FSIP1: variants seen among roughly 807,000 people sequenced by gnomAD.
FSIP1 encodes the protein fibrous sheath interacting protein 1, also known as fibrous sheath-interacting protein 1.
In FSIP1, 65 loss-of-function variants were observed where a neutral mutation model predicts 60.9. That is an observed-to-expected ratio of 1.07 (90% CI 0.87 to 1.31). The LOEUF is 1.31. FSIP1 is among the 40% of genes most tolerant of loss of function. The pLI is 0.00. For synonymous variants in FSIP1, 209 were observed against 221.2 expected (o/e 0.94, Z 0.49); for missense variants, 675 against 665.5 (o/e 1.01, Z -0.16).
intron 11 of FSIP1, among the ~76,000 whole-genome samples, chr15:39,616,353 G>C (rs150766761): frequency 6.6e-6 from 1 of 152,294 alleles, no homozygotes; most frequent in African/African-American, 2.4e-5. Flanking sequence ...GCAAGATAGA[G>C]TCTCTGTTTT....
intron 11 of FSIP1, among the ~76,000 whole-genome samples, chr15:39,605,050 C>A (rs1021040334): frequency 6.6e-6 from 1 of 152,144 alleles, no homozygotes; most frequent in African/African-American, 2.4e-5. Context: ...GTCAATCTGC[C>A]GGCAACCAGG....
intron 1 of FSIP1, among the ~76,000 whole-genome samples, chr15:39,780,790 G>A (rs1422894696): frequency 6.6e-6 from 1 of 152,174 alleles, no homozygotes; most frequent in East Asian, 1.9e-4. Flanking sequence ...GTTTCACTAT[G>A]TTGGCCAGGC....
At chr15:39,767,165 G>A (rs367807692) in intron 3 of FSIP1, among the ~76,000 whole-genome samples, 1 of 151,854 alleles carries the variant, frequency 6.6e-6, no homozygotes, top group Non-Finnish European at 1.5e-5. Context: ...TTTCCTCTTA[G>A]AGGAAAAAAA....
chr15:39,722,019 G>A (rs996807843), intron 9 of FSIP1, among the ~76,000 whole-genome samples: 2 of 152,058 alleles, frequency 1.3e-5, no homozygotes, highest in South Asian at 2.1e-4. Context: ...GTTAGGAACC[G>A]GGCCCCAGAG....
chr15:39,605,556 C>A (rs1055672171), intron 11 of FSIP1, among the ~76,000 whole-genome samples: 1 of 152,196 alleles, frequency 6.6e-6, no homozygotes, highest in African/African-American at 2.4e-5. Flanking sequence ...AGGAGACTTA[C>A]AACATGGAAT....
intron 11 of FSIP1, among the ~76,000 whole-genome samples, chr15:39,602,616 G>C (rs1334510115): frequency 6.6e-6 from 1 of 152,194 alleles, no homozygotes; most frequent in Non-Finnish European, 1.5e-5. Flanking sequence ...AGGATGTAGA[G>C]GCAGGTGGGA....
chr15:39,740,529 G>A (rs183693359), intron 6 of FSIP1, among the ~76,000 whole-genome samples: 32 of 152,206 alleles, frequency 2.1e-4, no homozygotes, highest in Non-Finnish European at 8.8e-5. Flanking sequence ...TATGCACGAA[G>A]AAGGAATGTC....
intron 10 of FSIP1, among the ~76,000 whole-genome samples, chr15:39,643,023 G>T (rs1892441249): frequency 6.6e-6 from 1 of 152,290 alleles, no homozygotes; most frequent in East Asian, 1.9e-4. Context: ...CCATACATTT[G>T]AATCAATAAA....
chr15:39,717,915 T>C lies in FSIP1; in HGVS notation c.1051-4334A>G, dbSNP rs1895803064. Among the ~76,000 whole-genome samples, 6 of 152,228 alleles carry C rather than the reference T, an allele frequency of 3.9e-5. No homozygotes were observed. The South Asian group carries it at 1.2e-3, about 32-fold the overall frequency. The stretch of plus-strand genomic sequence containing the variant: ...TCTCAGATTGCCAAGGAAACAGAGT[T>C]AGGAAACTAATTACCGCTCAAGCGC... On this transcript the variant is annotated intron_variant, in intron 9 of 11. Coordinates refer to ENST00000350221, the MANE Select transcript of FSIP1 (RefSeq NM_152597.5).
chr15:39,684,339 C>T (rs937959), intron 10 of FSIP1, among the ~76,000 whole-genome samples: 29 of 152,148 alleles, frequency 1.9e-4, no homozygotes, highest in African/African-American at 7.0e-4. Flanking sequence ...GAGGCACATG[C>T]GGAACATTAT....
intron 8 of FSIP1, among the ~76,000 whole-genome samples, chr15:39,736,613 C>T (rs148343159): frequency 3.9e-4 from 59 of 152,308 alleles, no homozygotes; most frequent in African/African-American, 1.3e-3. Context: ...ACACCCTCCT[C>T]CCCCGTGGGC....
chr15:39,704,916 C>A (rs934811197), intron 10 of FSIP1, among the ~76,000 whole-genome samples: 1 of 152,144 alleles, frequency 6.6e-6, no homozygotes, highest in African/African-American at 2.4e-5. Context: ...CATTTTGATG[C>A]AATAATGACA....
chr15:39,720,290 G>GGA (rs1258141307), intron 9 of FSIP1, among the ~76,000 whole-genome samples: 3 of 152,100 alleles, frequency 2.0e-5, no homozygotes, highest in African/African-American at 7.2e-5. Flanking sequence ...TGGCAAGAAA[G>GGA]GAGATCAATA....
chr15:39,647,061 AC>A (rs1892646758), intron 10 of FSIP1, among the ~76,000 whole-genome samples: 2 of 141,514 alleles, frequency 1.4e-5, no homozygotes, highest in South Asian at 2.2e-4. Context: ...AGTGGTTGTT[AC>A]CAGGGGTGAT....
At chr15:39,683,059 G>A (rs1029537509) in intron 10 of FSIP1, among the ~76,000 whole-genome samples, 1 of 152,108 alleles carries the variant, frequency 6.6e-6, no homozygotes, top group Non-Finnish European at 1.5e-5. Context: ...GGCAGTAAAG[G>A]CATGTTGGTA....
rs145863189 is a variant in FSIP1, at chr15:39,713,235, C to T, written c.1188+209G>A. Among the ~76,000 whole-genome samples the T allele has an allele frequency of 4.7e-3, 708 of 152,190 alleles. 2 individuals are homozygous for T. Among genetic ancestry groups the T allele is most frequent in the Non-Finnish European group, 7.4e-3 (500 of 68,008 alleles). On this transcript the variant is annotated intron_variant, in intron 10 of 11. Coordinates refer to ENST00000350221, the MANE Select transcript of FSIP1 (RefSeq NM_152597.5). ...ATAAAACAGTCAAAAGAGACTGAAA[C>T]CTTTTTTGGTACAAGTGTTGGTTAC...
At chr15:39,618,340 A>G (rs2140381943) in intron 10 of FSIP1, 95 bp from the exon 11 acceptor site, 1 of 892,354 alleles carries the variant, frequency 1.1e-6, no homozygotes, top group South Asian at 1.7e-5. Flanking sequence ...AAATGCAAGT[A>G]ACCCCTTACA....
chr15:39,631,457 C>T (rs1436696243), intron 10 of FSIP1, among the ~76,000 whole-genome samples: 1 of 152,202 alleles, frequency 6.6e-6, no homozygotes, highest in Admixed American at 6.5e-5. Context: ...GGCAGACAGA[C>T]AGACAAACTG....
chr15:39,659,343 C>T (rs1383180693), intron 10 of FSIP1, among the ~76,000 whole-genome samples: 1 of 152,028 alleles, frequency 6.6e-6, no homozygotes, highest in East Asian at 1.9e-4. Flanking sequence ...GAGATCGAGA[C>T]CATCCTGGCT....
Sources: allele counts gnomAD v4.1 joint callset (sites outside exome capture counted in the v4.1 genomes callset), GRCh38; gene constraint gnomAD v4.1.1; transcripts MANE v1.5; gene names NCBI Gene and HGNC (gene_info 2026-07-23, HGNC 2026-07-21).